Variants in STK32C observed in about 807,000 individuals in gnomAD.
STK32C encodes serine/threonine-protein kinase 32C.
A neutral mutation model predicts 56.5 loss-of-function variants in STK32C; 31 were observed. The observed-to-expected ratio is 0.55, with a 90% CI of 0.41 to 0.74. The LOEUF is 0.74. Among genes scored for constraint, STK32C ranks in the 30% least tolerant of loss-of-function variants. STK32C has a pLI of 0.00. For synonymous variants in STK32C, 309 were observed against 289.4 expected, an observed-to-expected ratio of 1.07 and a Z score of -0.69; for missense variants, 544 against 676.9, an observed-to-expected ratio of 0.80 and a Z score of 2.18.
chr10:132,242,865 G>T (rs1306941198), intron 2 of STK32C, among the ~76,000 whole-genome samples: 1 of 152,134 alleles, frequency 6.6e-6, no homozygotes, highest in Non-Finnish European at 1.5e-5. Context: ...CTCCTCCATG[G>T]CACGTTTGGT....
chr10:132,326,502 T>G (rs539617886), intron 1 of STK32C, among the ~76,000 whole-genome samples: 1 of 152,332 alleles, frequency 6.6e-6, no homozygotes, highest in African/African-American at 2.4e-5. Flanking sequence ...TTTTGTATTA[T>G]TAGTAGTGAT....
At chr10:132,260,306 C>A (rs1014468009) in intron 1 of STK32C, among the ~76,000 whole-genome samples, 1 of 152,160 alleles carries the variant, frequency 6.6e-6, no homozygotes. Context: ...CCGGGGTCCT[C>A]GCAGGTGTCC....
chr10:132,228,870 C>T (rs1291620464), intron 2 of STK32C, among the ~76,000 whole-genome samples: 1 of 152,204 alleles, frequency 6.6e-6, no homozygotes, highest in Admixed American at 6.5e-5. Context: ...ACAGAGTGAG[C>T]GTGGGGCTTG....
chr10:132,238,808 A>ACATGCACACACAGAGG (rs2063392712), intron 2 of STK32C, among the ~76,000 whole-genome samples: 1 of 152,108 alleles, frequency 6.6e-6, no homozygotes, highest in Non-Finnish European at 1.5e-5. Flanking sequence ...CCACATACAC[A>ACATGCACACACAGAGG]CATGCACACA....
At chr10:132,230,987 T>G (rs2063081238) in intron 2 of STK32C, among the ~76,000 whole-genome samples, 3 of 152,046 alleles carry the variant, frequency 2.0e-5, no homozygotes. Context: ...CTGTCACATG[T>G]GCGGCGGACA....
chr10:132,245,999 G>A (rs1174858064), intron 1 of STK32C, 44 bp from the exon 2 acceptor site: 1 of 1,589,840 alleles, frequency 6.3e-7, no homozygotes, highest in African/African-American at 1.3e-5. Flanking sequence ...TGGCAGCAAG[G>A]CCCCACCCCA....
intron 1 of STK32C, among the ~76,000 whole-genome samples, chr10:132,300,054 C>T (rs1470504973): frequency 6.6e-6 from 1 of 152,250 alleles, no homozygotes; most frequent in Non-Finnish European, 1.5e-5. Flanking sequence ...CCCCAGAATG[C>T]GTGCAACGCC....
At chr10:132,243,634 T>C (rs1403151089) in intron 2 of STK32C, among the ~76,000 whole-genome samples, 5 of 152,234 alleles carry the variant, frequency 3.3e-5, no homozygotes, top group Non-Finnish European at 1.5e-5. Flanking sequence ...AAATTTGTTA[T>C]GTGTAATTCA....
chr10:132,256,272 A>G (rs985309455), intron 1 of STK32C, among the ~76,000 whole-genome samples: 12 of 151,918 alleles, frequency 7.9e-5, no homozygotes, highest in African/African-American at 2.9e-4. Flanking sequence ...CCTGGTGCCT[A>G]CACCTCCAGC....
intron 1 of STK32C, among the ~76,000 whole-genome samples, chr10:132,267,982 CGTGTGTGT>C (rs59730124): frequency 1.2e-5 from 1 of 80,520 alleles, no homozygotes; most frequent in Non-Finnish European, 2.4e-5. Flanking sequence ...TGTCCCACAT[CGTGTGTGT>C]GTGTGTGTGT....
At chr10:132,325,956 C>T (rs745920921) in intron 1 of STK32C, among the ~76,000 whole-genome samples, 1 of 152,088 alleles carries the variant, frequency 6.6e-6, no homozygotes, top group Non-Finnish European at 1.5e-5. Context: ...CTCCTGACCT[C>T]GTGACCTGCC....
Position 132,264,565 on chromosome 10 carries a change from G to A in STK32C, c.263-18610C>T, listed in dbSNP as rs563990393. Among the ~76,000 whole-genome samples, 3 of 152,312 alleles carry A rather than the reference G, an allele frequency of 2.0e-5. No homozygotes were observed. In the East Asian group the frequency reaches 5.8e-4, roughly 29 times the overall value. On this transcript the variant is annotated intron_variant, in intron 1 of 11. Transcript: ENST00000298630. ...CGGCCTCAGGGAGAGGAGGGACCCGGGCCAGGACCCCTCCAGGACCCTCTC... is the reference window on the plus strand; with the variant it reads ...CGGCCTCAGGGAGAGGAGGGACCCGAGCCAGGACCCCTCCAGGACCCTCTC...
intron 1 of STK32C, among the ~76,000 whole-genome samples, chr10:132,264,056 T>G (rs532178742): frequency 6.6e-6 from 1 of 151,884 alleles, no homozygotes; most frequent in African/African-American, 2.4e-5. Context: ...CAGAAGGCAG[T>G]GTGGTGGCTG....
At chr10:132,232,767 G>A (rs148023143) in intron 2 of STK32C, among the ~76,000 whole-genome samples, 101 of 150,790 alleles carry the variant, frequency 6.7e-4, no homozygotes, top group African/African-American at 2.3e-3. Context: ...CCTATGAAAC[G>A]CCACTGACGG....
chr10:132,254,319 A>C (rs533721223), intron 1 of STK32C, among the ~76,000 whole-genome samples: 17 of 152,352 alleles, frequency 1.1e-4, no homozygotes, highest in African/African-American at 3.4e-4. Context: ...GGGGAGAAAA[A>C]AACAACAAAA....
At chr10:132,226,537 G>C (rs558535948) in intron 4 of STK32C, among the ~76,000 whole-genome samples, 2 of 152,336 alleles carry the variant, frequency 1.3e-5, no homozygotes, top group Non-Finnish European at 2.9e-5. Flanking sequence ...CTGTCCACCA[G>C]GGCTAACAGC....
rs111231359 is a variant in STK32C at position 132,220,314 on chromosome 10, G to A, written c.1251+2327C>T. 8.7e-3 allele frequency among the ~76,000 whole-genome samples: 1,324 copies of A among 152,370 alleles called. 8 individuals carry two copies. The highest frequency in any genetic ancestry group is 0.017 in the Middle Eastern group (5 of 294). Reference sequence around the variant, plus strand: ...GCAGCCTCTACCGGAGGGTAGAGGGGCAAGGACTGGTTTTCCTCCCCGGAG... The same window carrying A: ...GCAGCCTCTACCGGAGGGTAGAGGGACAAGGACTGGTTTTCCTCCCCGGAG... On this transcript the variant is annotated intron_variant, in intron 10 of 11. Coordinates refer to ENST00000298630, the MANE Select transcript of STK32C (RefSeq NM_173575.4).
chr10:132,264,120 C>T (rs982915102), intron 1 of STK32C, among the ~76,000 whole-genome samples: 1 of 152,128 alleles, frequency 6.6e-6, no homozygotes, highest in African/African-American at 2.4e-5. Flanking sequence ...CATGGAGTCT[C>T]CCTTAGGGCT....
chr10:132,249,124 G>C (rs755773300), intron 1 of STK32C: 4 of 459,102 alleles, frequency 8.7e-6, no homozygotes, highest in Non-Finnish European at 1.8e-5. Flanking sequence ...CCGGGGCGGG[G>C]CTGTGGCGTC....
Sources: allele counts gnomAD v4.1 joint callset (sites outside exome capture counted in the v4.1 genomes callset), GRCh38; gene constraint gnomAD v4.1.1; transcripts MANE v1.5; gene names NCBI Gene and HGNC (gene_info 2026-07-23, HGNC 2026-07-21).